DOCK3: variants seen among roughly 807,000 people sequenced by gnomAD.
DOCK3 encodes dedicator of cytokinesis 3, also known as dedicator of cytokinesis protein 3.
DOCK3 carries 60 observed loss-of-function variants against 265.6 expected under a neutral mutation model. The ratio of observed to expected loss-of-function variants is 0.23; its 90% CI spans 0.18 to 0.28. The LOEUF (loss-of-function observed/expected upper bound fraction) is 0.28, where lower values mean the gene tolerates loss of function less well. Ranked by LOEUF, DOCK3 falls within the 10% of genes least tolerant of loss-of-function variation. DOCK3 has a pLI of 1.00. For missense variants in DOCK3, 1,981 were observed against 2,594.3 expected, an observed-to-expected ratio of 0.76 and a Z score of 5.14; for synonymous variants, 881 against 938.0, an observed-to-expected ratio of 0.94 and a Z score of 1.11.
In DOCK3 at chr3:51,292,036, T is replaced by A. The variant is rs187347565; in HGVS notation, c.2922+11832T>A. On this transcript the variant is annotated intron_variant, in intron 27 of 52. Transcript: ENST00000266037. The stretch of plus-strand genomic sequence containing the variant: ...AAATGCAGGCAAAGCATATAAAAAA[T>A]TCTCATTTCTTGATTTTAAAATTCC... Among the ~76,000 whole-genome samples, 1,246 of 151,012 alleles carry A rather than the reference T, an allele frequency of 8.3e-3. 16 individuals are homozygous for A. Among genetic ancestry groups the A allele is most frequent in the African/African-American group, 0.029 (1,182 of 41,016 alleles).
intron 1 of DOCK3, among the ~76,000 whole-genome samples, chr3:50,680,234 CAG>C (rs2034295187): frequency 1.4e-5 from 2 of 139,130 alleles, no homozygotes; most frequent in African/African-American, 2.6e-5. Context: ...TTTTTTTAGA[CAG>C]AGTCTTGCCG....
intron 3 of DOCK3, among the ~76,000 whole-genome samples, chr3:50,859,210 G>GTTTTTTTTTTTTTTTTTTTTTTTTT (rs138539454): frequency 1.4e-5 from 1 of 69,222 alleles, no homozygotes; most frequent in Non-Finnish European, 2.5e-5. Flanking sequence ...AACTGGTATG[G>GTTTTTTTTTTTTTTTTTTTTTTTTT]TTTTTTTTTT....
chr3:50,810,584 G>T (rs2675788), intron 2 of DOCK3, among the ~76,000 whole-genome samples: 14,341 of 151,984 alleles, frequency 0.094, 835 homozygotes, highest in Non-Finnish European at 0.12. Context: ...CTAATGATTT[G>T]CACACTTACG....
At chr3:51,317,362 A>G (rs1182814089) in intron 32 of DOCK3, among the ~76,000 whole-genome samples, 2 of 151,098 alleles carry the variant, frequency 1.3e-5, no homozygotes, top group African/African-American at 4.8e-5. Context: ...CAAAGTTAGG[A>G]GGAGTAAGCT....
intron 1 of DOCK3, among the ~76,000 whole-genome samples, chr3:50,683,357 C>A (rs1272463504): frequency 6.6e-6 from 1 of 152,174 alleles, no homozygotes; most frequent in East Asian, 1.9e-4. Context: ...CAAGATATTA[C>A]TATATTTTCT....
intron 4 of DOCK3, among the ~76,000 whole-genome samples, chr3:50,922,931 C>T (rs1015408107): frequency 3.3e-5 from 5 of 152,074 alleles, no homozygotes; most frequent in African/African-American, 1.2e-4. Flanking sequence ...CCCACCTTTT[C>T]CCCGAGTCCC....
At chr3:51,036,071 T>A (rs781600169) in intron 5 of DOCK3, among the ~76,000 whole-genome samples, 3 of 152,158 alleles carry the variant, frequency 2.0e-5, no homozygotes, top group African/African-American at 4.8e-5. Flanking sequence ...TCTAAAAAAA[T>A]TTTTTAAACA....
chr3:51,073,140 A>G (rs2081942789), intron 6 of DOCK3, among the ~76,000 whole-genome samples: 1 of 152,092 alleles, frequency 6.6e-6, no homozygotes, highest in Admixed American at 6.5e-5. Flanking sequence ...TTGTCTCTTC[A>G]TTTTTTATTA....
intron 5 of DOCK3, among the ~76,000 whole-genome samples, chr3:50,980,114 A>G (rs1469675822): frequency 6.6e-6 from 1 of 152,108 alleles, no homozygotes; most frequent in Non-Finnish European, 1.5e-5. Context: ...TGACTTCATT[A>G]TTTTGAGATA....
intron 5 of DOCK3, among the ~76,000 whole-genome samples, chr3:51,000,394 A>G (rs1253911814): frequency 6.6e-6 from 1 of 152,194 alleles, no homozygotes; most frequent in Non-Finnish European, 1.5e-5. Context: ...CTCCCCTCAG[A>G]ACCAGGGACC....
At position 51,366,738 on chromosome 3, in the gene DOCK3, C is replaced by T. The variant is rs565111900; in HGVS notation, c.5293+4064C>T. ...AATATCTTTATTTCTGCCTTCATTT[C>T]GTTATGTACCCAGTAGTCATTCAGG... On this transcript the variant is annotated intron_variant, in intron 49 of 52. Transcript: ENST00000266037. 3.7e-4 allele frequency among the ~76,000 whole-genome samples: 57 copies of T among 152,264 alleles called. No homozygotes were observed. The East Asian group carries it at 5.6e-3, about 15-fold the overall frequency.
Position 51,311,993 on chromosome 3 carries a change from C to T in DOCK3, c.3018-11C>T, listed in dbSNP as rs971391322. On this transcript the variant is annotated splice_polypyrimidine_tract_variant and intron_variant, in intron 28 of 52. Coordinates refer to ENST00000266037, the MANE Select transcript of DOCK3 (RefSeq NM_004947.5). ...TTTTAATTCTGCCAATGCCTTGTTT[C>T]CTTACTGCAGTATTATAGTCACTAC... 2.5e-6 allele frequency: 4 copies of T among 1,576,814 alleles called. No homozygotes were observed. The highest frequency in any genetic ancestry group is 1.8e-5 in the Admixed American group (1 of 56,224).
intron 9 of DOCK3, among the ~76,000 whole-genome samples, chr3:51,145,218 G>C (rs1309765001): frequency 6.6e-6 from 1 of 150,596 alleles, no homozygotes; most frequent in Non-Finnish European, 1.5e-5. Context: ...TTTTCTGTCT[G>C]GATCTCTTTT....
At chr3:51,283,923 C>G (rs2081276885) in intron 27 of DOCK3, among the ~76,000 whole-genome samples, 1 of 152,200 alleles carries the variant, frequency 6.6e-6, no homozygotes, top group Admixed American at 6.5e-5. Flanking sequence ...CACAGTTCCT[C>G]TGTTTCTCCC....
Position 51,004,714 on chromosome 3 carries a change from G to GT in DOCK3, c.316-59714dup, listed in dbSNP as rs56348225. 3.0e-3 allele frequency among the ~76,000 whole-genome samples: 355 copies of GT among 118,700 alleles called. 2 individuals carry two copies. Among genetic ancestry groups the GT allele is most frequent in the African/African-American group, 0.011 (333 of 31,612 alleles). The allele number at this position is 118,700 out of a possible 152,430, so 77.9% of individuals were successfully genotyped here. A position where few individuals can be genotyped will look rare whatever the true frequency, so the allele number is the denominator to read the frequency against. On this transcript the variant is annotated intron_variant, in intron 5 of 52. Transcript: ENST00000266037. ...AAACTTCATTTGAGAAGAGATTTAA[G>GT]TTTTTTTTTTTTTTTTTTTTACAAA... is the stretch of plus-strand genomic sequence containing the variant.
intron 3 of DOCK3, among the ~76,000 whole-genome samples, chr3:50,881,663 T>G (rs972652559): frequency 1.1e-4 from 17 of 152,162 alleles, no homozygotes; most frequent in African/African-American, 3.1e-4. Context: ...GTAGGAAGAA[T>G]CAATATCGTG....
intron 6 of DOCK3, among the ~76,000 whole-genome samples, chr3:51,071,535 A>G (rs777163448): frequency 1.5e-4 from 23 of 152,192 alleles, no homozygotes; most frequent in Non-Finnish European, 2.8e-4. Context: ...TTGGCTAGCA[A>G]TGTAACATGG....
At chr3:51,195,537 C>T (rs570396032) in intron 12 of DOCK3, among the ~76,000 whole-genome samples, 9 of 152,092 alleles carry the variant, frequency 5.9e-5, no homozygotes, top group Admixed American at 2.6e-4. Context: ...GCCACAGCCT[C>T]CCAAGTAGCT....
intron 12 of DOCK3, among the ~76,000 whole-genome samples, chr3:51,179,033 C>T (rs770868792): frequency 3.9e-5 from 6 of 152,130 alleles, no homozygotes; most frequent in Non-Finnish European, 5.9e-5. Context: ...ATGAGCATAA[C>T]CAGAACGCTG....
Sources: gnomAD v4.1 joint callset for allele counts (sites outside exome capture counted in the v4.1 genomes callset) on GRCh38, gnomAD v4.1.1 for gene constraint, MANE v1.5 for transcripts, NCBI Gene and HGNC (gene_info 2026-07-23, HGNC 2026-07-21) for gene names.